The following KSR2 variants were observed in gnomAD, a reference collection of about 807,000 sequenced individuals.
The protein encoded by KSR2 is kinase suppressor of ras 2.
Under a neutral mutation model 107.8 loss-of-function variants are expected in KSR2, and 25 were observed. The ratio of observed to expected loss-of-function variants is 0.23; its 90% CI spans 0.17 to 0.32. The LOEUF (loss-of-function observed/expected upper bound fraction) is 0.32. Among genes scored for constraint, KSR2 ranks in the 10% least tolerant of loss-of-function variants. The probability of loss-of-function intolerance (pLI) is 1.00; values close to 1 mark genes in which losing one functional copy is unlikely to be tolerated. For missense variants in KSR2, 887 were observed against 1,268.9 expected (o/e 0.70, Z 4.57); for synonymous variants, 480 against 507.0 (o/e 0.95, Z 0.71).
chr12:117,678,275 T>C (rs530378715), intron 4 of KSR2, among the ~76,000 whole-genome samples: 19 of 152,176 alleles, frequency 1.2e-4, no homozygotes, highest in African/African-American at 4.1e-4. Flanking sequence ...ACCCAATTTG[T>C]CCAGATCCGG....
At chr12:117,721,117 T>C (rs1887188919) in intron 4 of KSR2, among the ~76,000 whole-genome samples, 1 of 152,066 alleles carries the variant, frequency 6.6e-6, no homozygotes, top group South Asian at 2.1e-4. Context: ...AGAAAAGAAG[T>C]CGTCAAAAGC....
At chr12:117,618,062 T>C (rs1197000782) in intron 5 of KSR2, among the ~76,000 whole-genome samples, 1 of 152,234 alleles carries the variant, frequency 6.6e-6, no homozygotes, top group Non-Finnish European at 1.5e-5. Flanking sequence ...TAACTTTTTA[T>C]TGAATTCTTA....
intron 1 of KSR2, among the ~76,000 whole-genome samples, chr12:117,965,328 C>T (rs1314668683): frequency 1.3e-5 from 2 of 152,188 alleles, no homozygotes; most frequent in East Asian, 3.8e-4. Flanking sequence ...CTCCAGAATT[C>T]TTGTTACATG....
intron 1 of KSR2, among the ~76,000 whole-genome samples, chr12:117,903,276 C>T (rs1894743683): frequency 6.6e-6 from 1 of 152,174 alleles, no homozygotes; most frequent in Non-Finnish European, 1.5e-5. Context: ...GGCTGGCCCA[C>T]AGCTGGCTGT....
At chr12:117,611,907 A>G (rs1881624943) in intron 5 of KSR2, among the ~76,000 whole-genome samples, 1 of 152,228 alleles carries the variant, frequency 6.6e-6, no homozygotes, top group African/African-American at 2.4e-5. Flanking sequence ...TGAGGTACCT[A>G]GTCCAGTCAA....
intron 5 of KSR2, among the ~76,000 whole-genome samples, chr12:117,592,778 A>G (rs1291600869): frequency 6.6e-6 from 1 of 152,054 alleles, no homozygotes; most frequent in Non-Finnish European, 1.5e-5. Flanking sequence ...TGTGGGGATG[A>G]TGGATGGAGA....
chr12:117,895,721 G>A (rs776458416), intron 1 of KSR2, among the ~76,000 whole-genome samples: 3 of 152,082 alleles, frequency 2.0e-5, no homozygotes, highest in Admixed American at 6.6e-5. Context: ...TAGAAATCCC[G>A]CTCATAGGTA....
chr12:117,765,241 G>A (rs1406731221), intron 3 of KSR2, among the ~76,000 whole-genome samples: 1 of 152,234 alleles, frequency 6.6e-6, no homozygotes, highest in Non-Finnish European at 1.5e-5. Flanking sequence ...GCCTGTTTAA[G>A]AAAGTCAATC....
At chr12:117,726,028 T>C (rs1245986590) in intron 4 of KSR2, among the ~76,000 whole-genome samples, 2 of 151,478 alleles carry the variant, frequency 1.3e-5, no homozygotes, top group African/African-American at 4.9e-5. Context: ...ATTAGCTGGG[T>C]GTGGTGGCGC....
intron 14 of KSR2, among the ~76,000 whole-genome samples, chr12:117,514,425 C>T (rs141191311): frequency 1.3e-5 from 2 of 152,262 alleles, no homozygotes; most frequent in Admixed American, 1.3e-4. Flanking sequence ...AGACTGTGTC[C>T]CTCCTCTGGT....
intron 1 of KSR2, among the ~76,000 whole-genome samples, chr12:117,931,481 G>A (rs1895694226): frequency 6.6e-6 from 1 of 152,166 alleles, no homozygotes; most frequent in Non-Finnish European, 1.5e-5. Context: ...CCGCCTGGAT[G>A]TGGGGCACAA....
chr12:117,875,407 C>A (rs185303754), intron 1 of KSR2, among the ~76,000 whole-genome samples: 1 of 150,824 alleles, frequency 6.6e-6, no homozygotes, highest in African/African-American at 2.4e-5. Context: ...ACCATGGGGG[C>A]CTTCTAGGGA....
chr12:117,747,519 G>A (rs767011185), intron 4 of KSR2, among the ~76,000 whole-genome samples: 1 of 152,010 alleles, frequency 6.6e-6, no homozygotes, highest in African/African-American at 2.4e-5. Context: ...GTTGATAGGT[G>A]CAGCAAACCA....
chr12:117,890,277 C>G (rs1037516264), intron 1 of KSR2, among the ~76,000 whole-genome samples: 1 of 152,208 alleles, frequency 6.6e-6, no homozygotes, highest in African/African-American at 2.4e-5. Flanking sequence ...CACTGGGTCC[C>G]ATAAGCTAGT....
chr12:117,866,038 C>CTTTTTTTTT lies in KSR2; in HGVS notation c.181-5616_181-5608dup, dbSNP rs397838492. On this transcript the variant is annotated intron_variant, in intron 1 of 19. Coordinates refer to ENST00000339824, the MANE Select transcript of KSR2 (RefSeq NM_173598.6). ...CTCTGTAACACTTGCTAATCTCTCT[C>CTTTTTTTTT]TTTTTTTTTTTTTTTTGAAACAAAT... Among the ~76,000 whole-genome samples, 148 of 124,202 alleles carry CTTTTTTTTT rather than the reference C, an allele frequency of 1.2e-3. 3 individuals carry two copies. Among genetic ancestry groups the CTTTTTTTTT allele is most frequent in the East Asian group, 7.1e-3 (31 of 4,362 alleles). 81.5% of individuals were successfully genotyped at this position (124,202 alleles called of 152,430 possible). A position where few individuals can be genotyped will look rare whatever the true frequency, so the allele number is the denominator to read the frequency against.
chr12:117,634,789 G>A (rs2136383507), intron 5 of KSR2, among the ~76,000 whole-genome samples: 1 of 152,268 alleles, frequency 6.6e-6, no homozygotes, highest in Admixed American at 6.5e-5. Context: ...TTCTTGGTTG[G>A]GAGAATGTAA....
At chr12:117,625,918 G>T (rs1882485322) in intron 5 of KSR2, among the ~76,000 whole-genome samples, 1 of 152,068 alleles carries the variant, frequency 6.6e-6, no homozygotes, top group Non-Finnish European at 1.5e-5. Flanking sequence ...ATTTCTTCCT[G>T]GTTTAGACTT....
At chr12:117,778,213 C>T (rs955966281) in intron 3 of KSR2, among the ~76,000 whole-genome samples, 4 of 152,106 alleles carry the variant, frequency 2.6e-5, no homozygotes, top group Admixed American at 6.5e-5. Flanking sequence ...GCCTTAGCCT[C>T]CCAAGTAGCT....
At chr12:117,639,629 GTAT>G (rs5801245) in intron 5 of KSR2, among the ~76,000 whole-genome samples, 102 of 137,874 alleles carry the variant, frequency 7.4e-4, no homozygotes, top group Middle Eastern at 3.8e-3. Context: ...CGCACCCAGC[GTAT>G]TATTATTATT....
Sources: gnomAD v4.1 joint callset for allele counts (sites outside exome capture counted in the v4.1 genomes callset) on GRCh38, gnomAD v4.1.1 for gene constraint, MANE v1.5 for transcripts, NCBI Gene and HGNC (gene_info 2026-07-23, HGNC 2026-07-21) for gene names.